RNF4: variants seen among roughly 807,000 people sequenced by gnomAD.
The protein encoded by RNF4 is E3 ubiquitin-protein ligase RNF4.
Under a neutral mutation model 24.3 loss-of-function variants are expected in RNF4, and 7 were observed. That is an observed-to-expected ratio of 0.29 (90% CI 0.16 to 0.54). The LOEUF is 0.54. RNF4 is among the 20% of genes least tolerant of loss of function. The pLI is 0.95. For missense variants in RNF4, 209 were observed against 248.5 expected (o/e 0.84, Z 1.07); for synonymous variants, 83 against 84.3 (o/e 0.98, Z 0.09).
At chr4:2,496,943 A>T in intron 2 of RNF4, 64 bp from the exon 3 acceptor site, 1 of 1,210,218 alleles carries the variant, frequency 8.3e-7, no homozygotes, top group Non-Finnish European at 1.2e-6. Flanking sequence ...TTGCCCATTT[A>T]GTTCTTCCTG....
intron 2 of RNF4, among the ~76,000 whole-genome samples, chr4:2,493,843 T>TTTA (rs202183324): frequency 6.6e-6 from 1 of 151,522 alleles, no homozygotes; most frequent in Non-Finnish European, 1.5e-5. Context: ...TTTTCATTTA[T>TTTA]TTATTATTAT....
Position 2,497,069 on chromosome 4 carries a change from C to T in RNF4, c.72C>T (p.Thr24=), listed in dbSNP as rs954039767. The part of the protein sequence containing the change: ...RQAQKRTREA[T]STPEISLEAE... ...CTCAGAAGCGAACTCGGGAAGCAACCTCCACCCCCGAGATCTCCTTGGAAG... is the reference window on the plus strand; with the variant it reads ...CTCAGAAGCGAACTCGGGAAGCAACTTCCACCCCCGAGATCTCCTTGGAAG... Residue 24 remains threonine, a synonymous_variant, in exon 3 of 8, where the codon ACC becomes ACT. Coordinates refer to ENST00000314289, the MANE Select transcript of RNF4 (RefSeq NM_002938.5). The T allele has an allele frequency of 1.2e-6, 2 of 1,609,568 alleles. No individual in the cohort carries two copies. Among genetic ancestry groups the T allele is most frequent in the African/African-American group, 2.7e-5 (2 of 74,690 alleles).
intron 6 of RNF4, 35 bp from the exon 7 acceptor site, chr4:2,513,048 G>A: frequency 6.2e-7 from 1 of 1,607,372 alleles, no homozygotes; most frequent in Non-Finnish European, 8.5e-7. Flanking sequence ...TGTTTGCGTT[G>A]ACTGAGAAAC....
At chr4:2,502,716 T>C (rs192388194) in intron 4 of RNF4, among the ~76,000 whole-genome samples, 3 of 148,686 alleles carry the variant, frequency 2.0e-5, no homozygotes, top group Non-Finnish European at 4.5e-5. Flanking sequence ...TGATGATGCA[T>C]ACCTGTAATC....
chr4:2,501,160 G>A (rs1296727336), intron 4 of RNF4, among the ~76,000 whole-genome samples: 2 of 152,200 alleles, frequency 1.3e-5, no homozygotes, highest in Non-Finnish European at 2.9e-5. Context: ...TCCATGAAAT[G>A]GGGACAGGTC....
chr4:2,492,943 T>TAA (rs1208679701), intron 2 of RNF4, among the ~76,000 whole-genome samples: 1 of 152,240 alleles, frequency 6.6e-6, no homozygotes, highest in African/African-American at 2.4e-5. Flanking sequence ...TCCTGAAAGT[T>TAA]ACGGTGTGGT....
At chr4:2,501,228 C>T (rs1004693280) in intron 4 of RNF4, among the ~76,000 whole-genome samples, 3 of 151,898 alleles carry the variant, frequency 2.0e-5, no homozygotes, top group African/African-American at 7.3e-5. Context: ...TGTTTGAGTG[C>T]CTGACACCTA....
At chr4:2,476,515 C>T (rs561915932) in intron 1 of RNF4, among the ~76,000 whole-genome samples, 3 of 152,170 alleles carry the variant, frequency 2.0e-5, no homozygotes, top group Non-Finnish European at 4.4e-5. Context: ...GCCTCAGCCT[C>T]CTAAGGACCT....
At chr4:2,501,403 G>T (rs547209678) in intron 4 of RNF4, among the ~76,000 whole-genome samples, 1 of 150,680 alleles carries the variant, frequency 6.6e-6, no homozygotes, top group Non-Finnish European at 1.5e-5. Context: ...TGCCTGCTGC[G>T]TCCTGATGCC....
chr4:2,469,575 A>C (rs1470979933), intron 1 of RNF4: 2 of 152,270 alleles, frequency 1.3e-5, no homozygotes, highest in Non-Finnish European at 2.9e-5. Flanking sequence ...CCCCAAGGTC[A>C]CTTGGAAAGT....
In RNF4 at chr4:2,513,869, T is replaced by C; in HGVS notation, c.*50T>C. The C allele has an allele frequency of 1.9e-6, 3 of 1,610,284 alleles. 1 individual carries two copies. In the South Asian group the frequency reaches 3.3e-5, roughly 18 times the overall value. ...ACGGATGGACAGACAGACAGCCAGGTTCTCCAGTGGTATCTGCCTCCATTT... is the reference window on the plus strand; with the variant it reads ...ACGGATGGACAGACAGACAGCCAGGCTCTCCAGTGGTATCTGCCTCCATTT... On this transcript the variant is annotated 3_prime_UTR_variant, in exon 8 of 8. Coordinates refer to ENST00000314289, the MANE Select transcript of RNF4 (RefSeq NM_002938.5).
chr4:2,485,377 A>G (rs554155334), intron 1 of RNF4, among the ~76,000 whole-genome samples: 4 of 152,188 alleles, frequency 2.6e-5, no homozygotes, highest in East Asian at 3.9e-4. Context: ...TACAGATTCT[A>G]TCTACCTGCC....
intron 1 of RNF4, among the ~76,000 whole-genome samples, chr4:2,477,931 G>A (rs937402757): frequency 3.9e-5 from 6 of 152,178 alleles, no homozygotes; most frequent in African/African-American, 1.4e-4. Flanking sequence ...AAGAAGACAG[G>A]AAAATGTGGG....
intron 3 of RNF4, 73 bp downstream of exon 3, chr4:2,497,194 T>C: frequency 8.7e-7 from 1 of 1,150,526 alleles, no homozygotes; most frequent in East Asian, 2.6e-5. Flanking sequence ...GGTGAGCTAG[T>C]AGAAGGTGCT....
chr4:2,473,281 A>G (rs1099776), intron 1 of RNF4, among the ~76,000 whole-genome samples: 128,845 of 151,870 alleles, frequency 0.85, 54,716 homozygotes, highest in South Asian at 0.89. Flanking sequence ...CTACTTGAGG[A>G]GCTGAGGTAG....
At chr4:2,490,710 A>C (rs1485022738) in intron 2 of RNF4, 1 of 515,702 alleles carries the variant, frequency 1.9e-6, no homozygotes, top group Non-Finnish European at 3.4e-6. Context: ...CAGAGCCCTG[A>C]AGACAAAAGG....
chr4:2,496,903 C>T, intron 2 of RNF4, 104 bp from the exon 3 acceptor site: 2 of 760,736 alleles, frequency 2.6e-6, no homozygotes, highest in Non-Finnish European at 2.1e-6. Context: ...AGTCTACTCG[C>T]TGGCTTCTTA....
intron 2 of RNF4, among the ~76,000 whole-genome samples, chr4:2,492,305 G>T (rs1735606678): frequency 6.6e-6 from 1 of 152,080 alleles, no homozygotes; most frequent in Non-Finnish European, 1.5e-5. Context: ...TAGGCTCCCA[G>T]AGTGAGCGAC....
intron 4 of RNF4, among the ~76,000 whole-genome samples, chr4:2,504,911 T>G (rs1736030851): frequency 6.6e-6 from 1 of 151,922 alleles, no homozygotes; most frequent in South Asian, 2.1e-4. Context: ...TTTTTATATT[T>G]TTAGTAGAGA....
Sources: gnomAD v4.1 joint callset for allele counts (sites outside exome capture counted in the v4.1 genomes callset) on GRCh38, gnomAD v4.1.1 for gene constraint, MANE v1.5 for transcripts, NCBI Gene and HGNC (gene_info 2026-07-23, HGNC 2026-07-21) for gene names.